Variants in RRP36 observed in about 807,000 individuals in gnomAD.
The protein encoded by RRP36 is ribosomal RNA processing 36.
RRP36 carries 44 observed loss-of-function variants against 39.8 expected under a neutral mutation model. The ratio of observed to expected loss-of-function variants is 1.10; its 90% confidence interval spans 0.87 to 1.42. The LOEUF (loss-of-function observed/expected upper bound fraction) is 1.42, where lower values mean the gene tolerates loss of function less well. RRP36 is among the 40% of genes most tolerant of loss of function. The pLI is 0.00. For missense variants in RRP36, 316 were observed against 322.4 expected (o/e 0.98, Z 0.15); for synonymous variants, 124 against 123.1 (o/e 1.01, Z -0.05).
rs745872992 is a variant in RRP36, at chr6:43,025,038, A to G, written c.184A>G (p.Thr62Ala). Residue 62 changes from threonine to alanine, a missense_variant, in exon 2 of 7, where the codon ACT (threonine) becomes GCT (alanine). Coordinates refer to ENST00000244496, the MANE Select transcript of RRP36 (RefSeq NM_033112.4). ...ELLELQSQVG[T>A]KTYKQLVAGN... ...GTTGGAATTGCAGAGCCAAGTGGGGACTAAGACGTACAAACAATTGGTAGC... is the reference window on the plus strand; with the variant it reads ...GTTGGAATTGCAGAGCCAAGTGGGGGCTAAGACGTACAAACAATTGGTAGC... The G allele has an allele frequency of 2.5e-6, 4 of 1,614,190 alleles. No individual in the cohort carries two copies. Among genetic ancestry groups the G allele is most frequent in the Non-Finnish European group, 3.4e-6 (4 of 1,180,034 alleles).
Position 43,029,203 on chromosome 6 carries a change from G to T in RRP36, c.755G>T (p.Arg252Ile), listed in dbSNP as rs753692615. Residue 252 changes from arginine to isoleucine, a missense_variant, in exon 7 of 7, where the codon AGA (arginine) becomes ATA (isoleucine). By Grantham distance (97) the Arg-to-Ile change is moderately conservative. Transcript: ENST00000244496. The stretch of plus-strand genomic sequence containing the variant: ...CGACGAAATGCAGGCAAGGACAGGA[G>T]ACATCTCCCTTTGAGCAAAGAGTAA... Reference protein sequence around the residue: ...KRRRNAGKDRRHLPLSKE With the variant: ...KRRRNAGKDRIHLPLSKE 5.6e-6 allele frequency: 9 copies of T among 1,614,110 alleles called. No homozygotes were observed. The East Asian group carries it at 1.6e-4, about 28-fold the overall frequency.
intron 4 of RRP36, 82 bp downstream of exon 4, chr6:43,026,223 T>A: frequency 1.1e-6 from 1 of 932,920 alleles, no homozygotes; most frequent in Non-Finnish European, 1.7e-6. Flanking sequence ...GCAGGGGGAG[T>A]GGGAAGTATA....
chr6:43,022,341 G>A (rs1440378402), intron 1 of RRP36, among the ~76,000 whole-genome samples: 1 of 151,902 alleles, frequency 6.6e-6, no homozygotes, highest in African/African-American at 2.4e-5. Context: ...CTCGTGATCC[G>A]CCCGCCTCAG....
In RRP36 at chr6:43,029,273, A is replaced by G. The variant is rs762300885; in HGVS notation, c.*45A>G. 2 of 1,605,436 alleles carry G rather than the reference A, an allele frequency of 1.2e-6. No homozygotes were observed. Among genetic ancestry groups the G allele is most frequent in the Non-Finnish European group, 1.7e-6 (2 of 1,173,416 alleles). ...CTGCCACTGCCCCAGGGAGACATGGATCTGTGAGGACAGATTTGGCCACGG... is the reference window on the plus strand; with the variant it reads ...CTGCCACTGCCCCAGGGAGACATGGGTCTGTGAGGACAGATTTGGCCACGG... On this transcript the variant is annotated 3_prime_UTR_variant, in exon 7 of 7. Transcript: ENST00000244496.
At chr6:43,022,481 A>G (rs1762737956) in intron 1 of RRP36, among the ~76,000 whole-genome samples, 1 of 151,636 alleles carries the variant, frequency 6.6e-6, no homozygotes, top group Non-Finnish European at 1.5e-5. Flanking sequence ...TTGCACCATG[A>G]CGGCTCACTG....
Position 43,027,433 on chromosome 6 carries a change from G to A in RRP36, c.599G>A (p.Arg200Gln), listed in dbSNP as rs180946521. ...CACCTGGCCCTGAAGCAAGAACGTC[G>A]GGCTCAGGCCCAGCAGGGCCATCGG... Reference protein sequence around the residue: ...ELHLALKQERRAQAQQGHRPY... With the variant: ...ELHLALKQERQAQAQQGHRPY... The change falls in exon 6 of 7, where the codon CGG (arginine) becomes CAG (glutamine). Residue 200 changes from arginine to glutamine, a missense_variant. Arg to Gln is a conservative substitution (Grantham distance 43). Transcript: ENST00000244496. The A allele has an allele frequency of 2.8e-4, 456 of 1,614,182 alleles. 1 individual carries two copies. Among genetic ancestry groups the A allele is most frequent in the Non-Finnish European group, 3.3e-4 (387 of 1,180,030 alleles).
At chr6:43,028,512 G>A (rs578098574) in intron 6 of RRP36, among the ~76,000 whole-genome samples, 1 of 151,696 alleles carries the variant, frequency 6.6e-6, no homozygotes, top group South Asian at 2.1e-4. Context: ...GCTGGGTGTG[G>A]TGCTGTGCAT....
intron 1 of RRP36, among the ~76,000 whole-genome samples, chr6:43,023,225 C>G (rs1240679148): frequency 6.6e-6 from 1 of 151,780 alleles, no homozygotes; most frequent in Non-Finnish European, 1.5e-5. Flanking sequence ...TAATGAGACC[C>G]GCTTTTCTAC....
Position 43,025,120 on chromosome 6 carries a change from C to G in RRP36, c.266C>G (p.Ala89Gly), listed in dbSNP as rs2150296012. The change falls in exon 2 of 7, where the codon GCA becomes GGA. Residue 89 changes from alanine to glycine, a missense_variant. Transcript: ENST00000244496. The part of the protein sequence containing the change: ...SRPPIQNACV[A>G]DKHRPLEMSA... ...CCACCTATCCAAAATGCATGTGTTG[C>G]AGATAAGCACAGGTAAGCAAGGCTT... The G allele has an allele frequency of 6.2e-7, 1 of 1,614,150 alleles. No homozygotes were observed. The highest frequency in any genetic ancestry group is 8.5e-7 in the Non-Finnish European group (1 of 1,180,032).
chr6:43,028,104 G>A (rs952687661), intron 6 of RRP36, among the ~76,000 whole-genome samples: 4 of 152,126 alleles, frequency 2.6e-5, no homozygotes, highest in Admixed American at 6.6e-5. Context: ...AGTGTGGGGG[G>A]GTCACGAGGT....
At position 43,029,294 on chromosome 6, in the gene RRP36, C is replaced by G. The variant is rs1762872157; in HGVS notation, c.*66C>G. ...ATGGATCTGTGAGGACAGATTTGGC[C>G]ACGGCTGGTTTCCGTTCAAGGGCAA... On this transcript the variant is annotated 3_prime_UTR_variant, in exon 7 of 7. Transcript: ENST00000244496. The G allele has an allele frequency of 6.3e-7, 1 of 1,584,372 alleles. No homozygotes were observed. The highest frequency in any genetic ancestry group is 1.3e-5 in the African/African-American group (1 of 74,188).
At chr6:43,024,139 C>T (rs1231108006) in intron 1 of RRP36, among the ~76,000 whole-genome samples, 2 of 152,092 alleles carry the variant, frequency 1.3e-5, no homozygotes, top group Admixed American at 1.3e-4. Context: ...CAGGCGTGAG[C>T]CACCACACCT....
At chr6:43,022,669 G>A (rs1439079232) in intron 1 of RRP36, among the ~76,000 whole-genome samples, 1 of 126,444 alleles carries the variant, frequency 7.9e-6, no homozygotes, top group African/African-American at 3.2e-5. Context: ...GTCTCGCTCT[G>A]TTGCCCATGC....
chr6:43,023,573 T>TTCCACCA (rs1200196234), intron 1 of RRP36, among the ~76,000 whole-genome samples: 1 of 140,046 alleles, frequency 7.1e-6, no homozygotes, highest in African/African-American at 2.8e-5. Flanking sequence ...CGTGCCTTAG[T>TTCCACCA]CCCAGCTACT....
chr6:43,027,421 A>T lies in RRP36; in HGVS notation c.587A>T (p.Lys196Met), dbSNP rs1762833530. Residue 196 changes from lysine to methionine, a missense_variant, in exon 6 of 7, where the codon AAG (lysine) becomes ATG (methionine). Lys to Met is a moderately conservative substitution (Grantham distance 95). Coordinates refer to ENST00000244496, the MANE Select transcript of RRP36 (RefSeq NM_033112.4). Reference protein sequence around the residue: ...KQQQELHLALKQERRAQAQQG... With the variant: ...KQQQELHLALMQERRAQAQQG... The stretch of plus-strand genomic sequence containing the variant: ...CAGCAGGAGCTGCACCTGGCCCTGA[A>T]GCAAGAACGTCGGGCTCAGGCCCAG... 6.2e-7 allele frequency: 1 copy of T among 1,614,112 alleles called. No homozygotes were observed. Among genetic ancestry groups the T allele is most frequent in the Non-Finnish European group, 8.5e-7 (1 of 1,180,048 alleles).
chr6:43,023,836 A>G (rs1762768057), intron 1 of RRP36, among the ~76,000 whole-genome samples: 1 of 151,778 alleles, frequency 6.6e-6, no homozygotes, highest in African/African-American at 2.4e-5. Context: ...ATGGAGAAAA[A>G]ATAAAGCTTA....
At chr6:43,027,762 T>TACACAC (rs57851236) in intron 6 of RRP36, among the ~76,000 whole-genome samples, 122 of 81,690 alleles carry the variant, frequency 1.5e-3, no homozygotes, top group South Asian at 8.5e-3. Flanking sequence ...TGGTCTACAC[T>TACACAC]ACACACACAC....
At chr6:43,023,669 T>A (rs1204730118) in intron 1 of RRP36, among the ~76,000 whole-genome samples, 2 of 151,858 alleles carry the variant, frequency 1.3e-5, no homozygotes, top group Admixed American at 6.6e-5. Context: ...TCCAGCCTCG[T>A]GACAGAGTGA....
rs762686412 is a variant in RRP36 at position 43,021,649 on chromosome 6, C to A, written c.-6C>A. ...CCATTCGTCTTCCGAGCGCTACTGC[C>A]AGCTGATGCCGGGAGCTAACTACCG... is the stretch of plus-strand genomic sequence containing the variant. On this transcript the variant is annotated 5_prime_UTR_variant, in exon 1 of 7. Coordinates refer to ENST00000244496, the MANE Select transcript of RRP36 (RefSeq NM_033112.4). 6 of 1,284,056 alleles carry A rather than the reference C, an allele frequency of 4.7e-6. No homozygotes were observed. The highest frequency in any genetic ancestry group is 3.2e-5 in the Admixed American group (1 of 31,048). 79.5% of individuals were successfully genotyped at this position (1,284,056 alleles called of 1,614,324 possible). A position where few individuals can be genotyped will look rare whatever the true frequency, so the allele number is the denominator to read the frequency against.
Sources: gnomAD v4.1 joint callset for allele counts (sites outside exome capture counted in the v4.1 genomes callset) on GRCh38, gnomAD v4.1.1 for gene constraint, MANE v1.5 for transcripts, NCBI Gene and HGNC (gene_info 2026-07-23, HGNC 2026-07-21) for gene names.